GRID2: variants seen among roughly 807,000 people sequenced by gnomAD.
The protein encoded by GRID2 is glutamate receptor ionotropic, delta-2.
A neutral mutation model predicts 114.8 loss-of-function variants in GRID2; 33 were observed. The ratio of observed to expected loss-of-function variants is 0.29; its 90% CI spans 0.22 to 0.38. GRID2 has a LOEUF of 0.38. GRID2 is among the 10% of genes least tolerant of loss of function. The pLI is 1.00. For missense variants in GRID2, 1,184 were observed against 1,257.7 expected, an observed-to-expected ratio of 0.94 and a Z score of 0.89; for synonymous variants, 505 against 449.9, an observed-to-expected ratio of 1.12 and a Z score of -1.55.
intron 14 of GRID2, 29 bp downstream of exon 14, chr4:93,626,464 G>C (rs753307815): frequency 1.4e-6 from 2 of 1,461,576 alleles, no homozygotes; most frequent in Non-Finnish European, 1.9e-6. Context: ...CAAATAAGGG[G>C]AGAGATGAAA....
intron 2 of GRID2, among the ~76,000 whole-genome samples, chr4:92,928,882 C>T (rs1160548490): frequency 6.6e-6 from 1 of 151,206 alleles, no homozygotes; most frequent in Non-Finnish European, 1.5e-5. Flanking sequence ...TTTTGAGAAC[C>T]ATCTTTGGCA....
chr4:93,628,176 A>G (rs1742898737), intron 14 of GRID2, among the ~76,000 whole-genome samples: 1 of 152,180 alleles, frequency 6.6e-6, no homozygotes, highest in African/African-American at 2.4e-5. Context: ...ATAATAATCA[A>G]TCAAAATACA....
chr4:93,361,141 A>G (rs1317552508), intron 8 of GRID2, among the ~76,000 whole-genome samples: 3 of 152,072 alleles, frequency 2.0e-5, no homozygotes, highest in Non-Finnish European at 2.9e-5. Context: ...TTTACATGCA[A>G]TAATTCATTT....
intron 1 of GRID2, among the ~76,000 whole-genome samples, chr4:92,520,398 T>C (rs1724710689): frequency 6.6e-6 from 1 of 151,926 alleles, no homozygotes; most frequent in African/African-American, 2.4e-5. Flanking sequence ...GGAATATGTA[T>C]GACAATGACA....
At chr4:93,497,456 A>T (rs960497951) in intron 12 of GRID2, among the ~76,000 whole-genome samples, 10 of 151,614 alleles carry the variant, frequency 6.6e-5, no homozygotes, top group Admixed American at 5.9e-4. Context: ...GGTCATGAAG[A>T]TTTTCTCCTA....
At position 92,972,113 on chromosome 4, in the gene GRID2, A is replaced by T. The variant is rs1753557257; in HGVS notation, c.245-112882A>T. Among the ~76,000 whole-genome samples, 3 of 151,828 alleles carry T rather than the reference A, an allele frequency of 2.0e-5. No individual in the cohort carries two copies. In the South Asian group the frequency reaches 6.2e-4, roughly 31 times the overall value. On this transcript the variant is annotated intron_variant, in intron 2 of 15. Transcript: ENST00000282020. ...TACTTTTAGTTTTTTTTTCTCAGAAACTTCCATACTGTTCTCCATAGCAGC... is the reference window on the plus strand; with the variant it reads ...TACTTTTAGTTTTTTTTTCTCAGAATCTTCCATACTGTTCTCCATAGCAGC...
At chr4:93,600,870 G>T (rs1739605872) in intron 13 of GRID2, among the ~76,000 whole-genome samples, 1 of 152,172 alleles carries the variant, frequency 6.6e-6, no homozygotes. Flanking sequence ...AAACCAGTTG[G>T]CTGTATCTGA....
At chr4:92,544,904 G>A (rs1271321516) in intron 1 of GRID2, among the ~76,000 whole-genome samples, 1 of 151,964 alleles carries the variant, frequency 6.6e-6, no homozygotes, top group African/African-American at 2.4e-5. Context: ...TTCAATGACA[G>A]GGATTTATTT....
chr4:92,562,378 A>G (rs1031391723), intron 1 of GRID2, among the ~76,000 whole-genome samples: 1 of 152,222 alleles, frequency 6.6e-6, no homozygotes, highest in Non-Finnish European at 1.5e-5. Context: ...GCTAATTAGT[A>G]CAATCCCAAA....
chr4:92,867,585 T>A (rs72663599), intron 2 of GRID2, among the ~76,000 whole-genome samples: 73 of 143,824 alleles, frequency 5.1e-4, no homozygotes, highest in East Asian at 9.8e-4. Context: ...TACTATTATT[T>A]TTTTTTTTTT....
intron 4 of GRID2, chr4:93,203,911 A>C (rs971601858): frequency 2.0e-5 from 3 of 152,178 alleles, no homozygotes; most frequent in African/African-American, 7.2e-5. Context: ...AGTGGCGTAC[A>C]TCACTCGGCT....
chr4:93,165,366 T>A (rs1738150849), intron 4 of GRID2, among the ~76,000 whole-genome samples: 1 of 151,792 alleles, frequency 6.6e-6, no homozygotes, highest in Non-Finnish European at 1.5e-5. Flanking sequence ...GTCAAGGTTA[T>A]TAATAGAGTG....
chr4:92,841,193 A>G (rs1742865779), intron 2 of GRID2, among the ~76,000 whole-genome samples: 3 of 152,112 alleles, frequency 2.0e-5, no homozygotes, highest in Non-Finnish European at 2.9e-5. Flanking sequence ...TTGCTTCCAC[A>G]GGAACTGTCA....
chr4:92,791,773 T>A (rs896038123), intron 2 of GRID2, among the ~76,000 whole-genome samples: 1 of 151,802 alleles, frequency 6.6e-6, no homozygotes, highest in South Asian at 2.1e-4. Context: ...AACCCTTTCT[T>A]TAGGCAGAAC....
intron 1 of GRID2, among the ~76,000 whole-genome samples, chr4:92,573,659 G>A (rs1361975146): frequency 6.6e-6 from 1 of 152,126 alleles, no homozygotes; most frequent in Non-Finnish European, 1.5e-5. Context: ...TAATTTTATT[G>A]CACTGTGGTC....
chr4:92,604,642 A>G (rs1012333706), intron 2 of GRID2, among the ~76,000 whole-genome samples: 1 of 152,162 alleles, frequency 6.6e-6, no homozygotes, highest in African/African-American at 2.4e-5. Flanking sequence ...ACATTTGCCT[A>G]TGTAACAAGC....
intron 10 of GRID2, among the ~76,000 whole-genome samples, chr4:93,453,338 G>GAGAC (rs1553932523): frequency 6.6e-6 from 1 of 150,704 alleles, no homozygotes; most frequent in African/African-American, 2.4e-5. Context: ...GAGAGAGAGA[G>GAGAC]AGAGAGAGAG....
Position 92,532,740 on chromosome 4 carries a change from T to C in GRID2, c.89-57391T>C, listed in dbSNP as rs1406889622. Among the ~76,000 whole-genome samples, 4 of 152,218 alleles carry C rather than the reference T, an allele frequency of 2.6e-5. No homozygotes were observed. In the South Asian group the frequency reaches 6.2e-4, roughly 24 times the overall value. ...ATGTAAATGTAATATGTTTATTTTC[T>C]ACATTTCATGATGTCTAGGGTATTT... On this transcript the variant is annotated intron_variant, in intron 1 of 15. Coordinates refer to ENST00000282020, the MANE Select transcript of GRID2 (RefSeq NM_001510.4).
intron 4 of GRID2, among the ~76,000 whole-genome samples, chr4:93,112,643 A>G (rs768451579): frequency 6.6e-6 from 1 of 152,142 alleles, no homozygotes; most frequent in Non-Finnish European, 1.5e-5. Context: ...TAGCAGAGAT[A>G]ATGCTAGTGT....
Sources: gnomAD v4.1 joint callset for allele counts (sites outside exome capture counted in the v4.1 genomes callset) on GRCh38, gnomAD v4.1.1 for gene constraint, MANE v1.5 for transcripts, NCBI Gene and HGNC (gene_info 2026-07-23, HGNC 2026-07-21) for gene names.